The following SYNJ1 variants were observed in gnomAD, a reference collection of about 807,000 sequenced individuals.
SYNJ1 encodes polyphosphatidylinositol phosphatase SYNJ1.
A neutral mutation model predicts 168.2 loss-of-function variants in SYNJ1; 78 were observed. The observed-to-expected ratio is 0.46, with a 90% CI of 0.39 to 0.56. SYNJ1 has a LOEUF of 0.56. Among genes scored for constraint, SYNJ1 ranks in the 20% least tolerant of loss-of-function variants. The probability of loss-of-function intolerance (pLI) is 0.00; values close to 1 mark genes in which losing one functional copy is unlikely to be tolerated. For missense variants in SYNJ1, 1,303 were observed against 1,597.6 expected, an observed-to-expected ratio of 0.82 and a Z score of 3.14; for synonymous variants, 539 against 548.6, an observed-to-expected ratio of 0.98 and a Z score of 0.24.
intron 7 of SYNJ1, among the ~76,000 whole-genome samples, chr21:32,687,668 C>A (rs772907953): frequency 6.6e-6 from 1 of 152,152 alleles, no homozygotes; most frequent in Non-Finnish European, 1.5e-5. Context: ...TCTAAAATAT[C>A]ATTTCAACAT....
chr21:32,697,954 C>G (rs1357204139), intron 4 of SYNJ1, among the ~76,000 whole-genome samples: 1 of 152,184 alleles, frequency 6.6e-6, no homozygotes, highest in Non-Finnish European at 1.5e-5. Flanking sequence ...AATGTAAGGA[C>G]AGCTGCAACA....
intron 5 of SYNJ1, 96 bp downstream of exon 5, chr21:32,694,961 A>G (rs2042150846): frequency 8.1e-7 from 1 of 1,233,446 alleles, no homozygotes; most frequent in Admixed American, 2.3e-5. Context: ...ATAGATGTTA[A>G]AATAAGCTCC....
Position 32,690,293 on chromosome 21 carries a change from G to A in SYNJ1, c.790-1926C>T, listed in dbSNP as rs535587778. On this transcript the variant is annotated intron_variant, in intron 6 of 32. Transcript: ENST00000674351. ...TGCAACCATAGCTCACTGCAGCCTC[G>A]ACCTCCTGGGCTCAAGGGATCCTCC... Among the ~76,000 whole-genome samples the A allele has an allele frequency of 1.1e-4, 16 of 152,254 alleles. No individual in the cohort carries two copies. The South Asian group carries it at 3.3e-3, about 32-fold the overall frequency.
intron 2 of SYNJ1, among the ~76,000 whole-genome samples, chr21:32,719,713 TAAAA>T (rs971478588): frequency 7.7e-6 from 1 of 129,948 alleles, no homozygotes; most frequent in African/African-American, 2.8e-5. Context: ...AACTCCATCT[TAAAA>T]AAAAAAAAAA....
At chr21:32,693,322 A>G (rs537406263) in intron 6 of SYNJ1, among the ~76,000 whole-genome samples, 1 of 152,334 alleles carries the variant, frequency 6.6e-6, no homozygotes, top group African/African-American at 2.4e-5. Context: ...CGTTATCCCT[A>G]CAAAGATAAA....
chr21:32,653,923 T>G (rs1034816240), intron 21 of SYNJ1: 1 of 152,114 alleles, frequency 6.6e-6, no homozygotes, highest in African/African-American at 2.4e-5. Flanking sequence ...TTTACTCTTT[T>G]GGGACTTCAA....
intron 2 of SYNJ1, among the ~76,000 whole-genome samples, chr21:32,713,679 C>T (rs938791611): frequency 1.4e-5 from 2 of 147,586 alleles, no homozygotes; most frequent in Non-Finnish European, 3.0e-5. Context: ...GATGATTTCC[C>T]ATATATCAAC....
In SYNJ1 at chr21:32,679,181, G is replaced by A. The variant is rs573244507; in HGVS notation, c.1354-380C>T. 4.1e-4 allele frequency among the ~76,000 whole-genome samples: 63 copies of A among 152,272 alleles called. No homozygotes were observed. In the South Asian group the frequency reaches 0.013, roughly 31 times the overall value. On this transcript the variant is annotated intron_variant, in intron 11 of 32. Transcript: ENST00000674351. ...AACTTGGGGATAAAATGGGTAAGGAGAAATGGGAGATAAAAGAAGATACAC... is the reference window on the plus strand; with the variant it reads ...AACTTGGGGATAAAATGGGTAAGGAAAAATGGGAGATAAAAGAAGATACAC...
At chr21:32,703,741 T>A (rs913767799) in intron 2 of SYNJ1, among the ~76,000 whole-genome samples, 3 of 152,032 alleles carry the variant, frequency 2.0e-5, no homozygotes, top group South Asian at 2.1e-4. Context: ...ATTTTTATTT[T>A]TTTTTTTTGA....
chr21:32,688,440 T>C, intron 6 of SYNJ1, 73 bp from the exon 7 acceptor site: 1 of 1,218,534 alleles, frequency 8.2e-7, no homozygotes, highest in East Asian at 2.5e-5. Context: ...CTGCTTACAA[T>C]ATCTAACAAT....
At chr21:32,664,567 C>T (rs144735306) in intron 18 of SYNJ1, among the ~76,000 whole-genome samples, 4 of 152,216 alleles carry the variant, frequency 2.6e-5, no homozygotes, top group African/African-American at 9.6e-5. Context: ...ATACCCCCTG[C>T]TTGCTCAATC....
rs148036536 is a variant in SYNJ1, at chr21:32,723,199, T to C, written c.124+3573A>G. Among the ~76,000 whole-genome samples the C allele has an allele frequency of 2.9e-3, 441 of 152,378 alleles. 4 individuals are homozygous for C. Among genetic ancestry groups the C allele is most frequent in the African/African-American group, 0.01 (428 of 41,592 alleles). On this transcript the variant is annotated intron_variant, in intron 2 of 32. Coordinates refer to ENST00000674351, the MANE Select transcript of SYNJ1 (RefSeq NM_203446.3). The stretch of plus-strand genomic sequence containing the variant: ...CGTGGGTCCCTAAGGGGATCCATTG[T>C]ATGAGACTATTTTCATTGTATTTTT...
intron 22 of SYNJ1, among the ~76,000 whole-genome samples, 157 bp downstream of exon 22, chr21:32,653,131 T>G (rs1343626428): frequency 1.3e-5 from 2 of 152,122 alleles, no homozygotes; most frequent in Non-Finnish European, 2.9e-5. Context: ...TAGTCAGAAA[T>G]CCAGTCTAAA....
intron 15 of SYNJ1, among the ~76,000 whole-genome samples, chr21:32,668,457 C>T (rs1347425242): frequency 6.6e-6 from 1 of 152,108 alleles, no homozygotes; most frequent in African/African-American, 2.4e-5. Flanking sequence ...TACTAGGAAC[C>T]CTCAGAGTTA....
chr21:32,639,016 T>G lies in SYNJ1; in HGVS notation c.3807A>C (p.Ala1269=), dbSNP rs759164699. The change falls in exon 31 of 33, where the codon GCA becomes GCC. Residue 1269 remains alanine (A), a synonymous_variant. Transcript: ENST00000674351. The part of the protein sequence containing the change: ...RLQEPLVPVA[A]PMPQSGPQPN... The stretch of plus-strand genomic sequence containing the variant: ...GCTGGGGGCCAGACTGAGGCATAGG[T>G]GCTGCCACAGGGACAAGAGGCTCTT... The G allele has an allele frequency of 2.5e-6, 4 of 1,614,070 alleles. No individual in the cohort carries two copies. The Admixed American group carries it at 6.7e-5, about 27-fold the overall frequency.
At chr21:32,685,437 A>T (rs1207115307) in intron 9 of SYNJ1, among the ~76,000 whole-genome samples, 2 of 148,550 alleles carry the variant, frequency 1.3e-5, no homozygotes, top group East Asian at 2.0e-4. Context: ...AAAAAAAAAA[A>T]AAAAAAAAAA....
chr21:32,695,430 G>A (rs2042167412), intron 4 of SYNJ1, 148 bp from the exon 5 acceptor site: 4 of 772,120 alleles, frequency 5.2e-6, no homozygotes, highest in Non-Finnish European at 7.9e-6. Context: ...ACTATGCTAG[G>A]GATCAGAAGA....
At chr21:32,682,200 A>G (rs888442866) in intron 10 of SYNJ1, among the ~76,000 whole-genome samples, 6 of 152,174 alleles carry the variant, frequency 3.9e-5, no homozygotes, top group African/African-American at 1.2e-4. Context: ...AACTAGGGGG[A>G]AGAGCATGCA....
chr21:32,702,155 T>TA (rs1365259122), intron 2 of SYNJ1, 108 bp from the exon 3 acceptor site: 6 of 708,134 alleles, frequency 8.5e-6, no homozygotes, highest in Non-Finnish European at 1.4e-5. Context: ...CTGATATTCT[T>TA]AAAATAAATG....
Sources: allele counts gnomAD v4.1 joint callset (sites outside exome capture counted in the v4.1 genomes callset), GRCh38; gene constraint gnomAD v4.1.1; transcripts MANE v1.5; gene names NCBI Gene and HGNC (gene_info 2026-07-23, HGNC 2026-07-21).